Variants in PTPN3 observed in about 807,000 individuals in gnomAD.
PTPN3 encodes tyrosine-protein phosphatase non-receptor type 3.
A neutral mutation model predicts 132.7 loss-of-function variants in PTPN3; 96 were observed. The ratio of observed to expected loss-of-function variants is 0.72; its 90% CI spans 0.61 to 0.86. The LOEUF (loss-of-function observed/expected upper bound fraction) is 0.86. Among genes scored for constraint, PTPN3 ranks in the 40% least tolerant of loss-of-function variants. The pLI, the probability that PTPN3 is intolerant of heterozygous loss-of-function variation, is 0.00. For synonymous variants in PTPN3, 398 were observed against 429.0 expected, an observed-to-expected ratio of 0.93 and a Z score of 0.89; for missense variants, 1,125 against 1,159.6, an observed-to-expected ratio of 0.97 and a Z score of 0.43.
At chr9:109,445,132 G>A in intron 7 of PTPN3, 108 bp downstream of exon 7, 2 of 1,119,456 alleles carry the variant, frequency 1.8e-6, no homozygotes, top group Non-Finnish European at 2.7e-6. Flanking sequence ...CTGCCCAGCA[G>A]GATTCCTGGG....
chr9:109,475,615 CTT>C (rs1846619350), intron 1 of PTPN3, among the ~76,000 whole-genome samples: 1 of 152,156 alleles, frequency 6.6e-6, no homozygotes, highest in South Asian at 2.1e-4. Flanking sequence ...TTGCATAAAC[CTT>C]ACAAAAATAC....
In PTPN3 at chr9:109,410,061, T is replaced by C. The variant is rs770860303; in HGVS notation, c.1516A>G (p.Ser506Gly). 1 of 1,614,254 alleles carries C rather than the reference T, an allele frequency of 6.2e-7. No individual in the cohort carries two copies. Among genetic ancestry groups the C allele is most frequent in the Admixed American group, 1.7e-5 (1 of 60,030 alleles). Residue 506 changes from serine (S) to glycine (G), a missense_variant, in exon 16 of 26, where the codon AGC (serine) becomes GGC (glycine). Ser to Gly is a moderately conservative substitution (Grantham distance 56). Coordinates refer to ENST00000374541, the MANE Select transcript of PTPN3 (RefSeq NM_002829.4). ...GTGATACGGATCAAGACTAAGTAGC[T>C]GTCACCATTATCATTCTGGAAAACG... ...YYCDKNDNGDSYLVLIRITPD... is the reference protein window; with the variant it reads ...YYCDKNDNGDGYLVLIRITPD...
intron 22 of PTPN3, among the ~76,000 whole-genome samples, chr9:109,388,420 T>A (rs1839782562): frequency 6.6e-6 from 1 of 152,090 alleles, no homozygotes. Flanking sequence ...TGCAGGAAAC[T>A]GACAAAGCAG....
Position 109,422,831 on chromosome 9 carries a change from G to A in PTPN3, c.1023C>T (p.Cys341=). ...NTKKSVNNQY[C]KKVIGGMVWN... is the part of the protein sequence containing the mutation. ...ACACCATCCCGCCAATCACCTTTTT[G>A]CAATATTGGTTATTTACCGACCTGA... The change falls in exon 13 of 26, where the codon TGC becomes TGT. Residue 341 remains cysteine, a synonymous_variant. Transcript: ENST00000374541. 1 of 1,613,230 alleles carries A rather than the reference G, an allele frequency of 6.2e-7. No homozygotes were observed. The highest frequency in any genetic ancestry group is 8.5e-7 in the Non-Finnish European group (1 of 1,179,330).
At chr9:109,429,326 C>T (rs138615238) in intron 10 of PTPN3, among the ~76,000 whole-genome samples, 4 of 152,294 alleles carry the variant, frequency 2.6e-5, no homozygotes, top group Admixed American at 6.5e-5. Flanking sequence ...CCAGGACCTG[C>T]ACCCCGGTCT....
chr9:109,519,583 G>A, the PTPN3 span, among the ~76,000 whole-genome samples: 80,525 of 151,588 alleles, frequency 0.53, 22,457 homozygotes, highest in East Asian at 0.85. Context: ...CACATAGCCT[G>A]TAAATGACAT....
intron 1 of PTPN3, among the ~76,000 whole-genome samples, chr9:109,481,947 G>C (rs1846978783): frequency 6.6e-6 from 1 of 152,214 alleles, no homozygotes; most frequent in Non-Finnish European, 1.5e-5. Context: ...ATTGTGTACA[G>C]TCAGAAACTC....
chr9:109,519,087 A>G, the PTPN3 span, among the ~76,000 whole-genome samples: 2 of 152,090 alleles, frequency 1.3e-5, no homozygotes, highest in Non-Finnish European at 2.9e-5. Context: ...AGATTCCTCA[A>G]ACATCTGTCT....
chr9:109,389,714 G>C (rs1408075760), intron 21 of PTPN3, among the ~76,000 whole-genome samples: 2 of 152,164 alleles, frequency 1.3e-5, no homozygotes, highest in Admixed American at 6.5e-5. Flanking sequence ...TCAGCCGTAT[G>C]TACCAATCCT....
At chr9:109,421,970 TG>T in intron 13 of PTPN3, among the ~76,000 whole-genome samples, 1 of 152,366 alleles carries the variant, frequency 6.6e-6, no homozygotes, top group Admixed American at 6.5e-5. Context: ...TTCACAAAAA[TG>T]GTGTGATGTC....
intron 7 of PTPN3, among the ~76,000 whole-genome samples, chr9:109,439,539 T>C (rs990143735): frequency 6.6e-6 from 1 of 152,198 alleles, no homozygotes; most frequent in African/African-American, 2.4e-5. Flanking sequence ...AAAGATATGG[T>C]GATACTTTGT....
the PTPN3 span, among the ~76,000 whole-genome samples, chr9:109,532,230 A>C: frequency 6.6e-6 from 1 of 152,204 alleles, no homozygotes; most frequent in East Asian, 1.9e-4. Context: ...CAGATACACT[A>C]ACTACAAGAT....
intron 12 of PTPN3, among the ~76,000 whole-genome samples, chr9:109,425,221 G>A (rs1843158997): frequency 6.6e-6 from 1 of 152,164 alleles, no homozygotes; most frequent in African/African-American, 2.4e-5. Context: ...TAGTATCACT[G>A]ATACTAACAG....
intron 4 of PTPN3, 60 bp from the exon 5 acceptor site, chr9:109,454,634 T>C (rs1845467798): frequency 7.4e-7 from 1 of 1,352,650 alleles, no homozygotes; most frequent in African/African-American, 1.4e-5. Flanking sequence ...TGTATGTAAG[T>C]TGCTTCTCTT....
At chr9:109,447,670 C>T (rs981730973) in intron 6 of PTPN3, among the ~76,000 whole-genome samples, 2 of 152,150 alleles carry the variant, frequency 1.3e-5, no homozygotes, top group Non-Finnish European at 2.9e-5. Flanking sequence ...TGCCATGCCC[C>T]CAGGTCTCTG....
rs1838583236 is a variant in PTPN3, at chr9:109,376,692, C to A, written c.*2864G>T. ...CAAATTTCCCAGGCAAAATACTTATCCTGATTCTGATGTAGTTCTTCACTT... is the reference window on the plus strand; with the variant it reads ...CAAATTTCCCAGGCAAAATACTTATACTGATTCTGATGTAGTTCTTCACTT... On this transcript the variant is annotated 3_prime_UTR_variant, in exon 26 of 26. Transcript: ENST00000374541. 6.6e-6 allele frequency: 1 copy of A among 152,140 alleles called. No individual in the cohort carries two copies. Among genetic ancestry groups the A allele is most frequent in the Admixed American group, 6.5e-5 (1 of 15,280 alleles). 9.4% of individuals were successfully genotyped at this position (152,140 alleles called of 1,614,324 possible).
At chr9:109,379,671 CA>C (rs778561128) in intron 25 of PTPN3, 38 bp from the exon 26 acceptor site, 21 of 1,542,838 alleles carry the variant, frequency 1.4e-5, no homozygotes, top group African/African-American at 4.1e-5. Flanking sequence ...CCTGTAGCTC[CA>C]GGAAATGCTG....
At chr9:109,511,691 C>T in the PTPN3 span, 3 of 152,746 alleles carry the variant, frequency 2.0e-5, no homozygotes, top group African/African-American at 7.2e-5. Flanking sequence ...CCAGCCAACA[C>T]ATTGCATCAT....
chr9:109,413,493 C>T (rs1842238020), intron 14 of PTPN3, among the ~76,000 whole-genome samples: 1 of 152,174 alleles, frequency 6.6e-6, no homozygotes, highest in African/African-American at 2.4e-5. Context: ...GCACCAAAGC[C>T]CTAGTGCCTC....
Sources: allele counts gnomAD v4.1 joint callset (sites outside exome capture counted in the v4.1 genomes callset), GRCh38; gene constraint gnomAD v4.1.1; transcripts MANE v1.5; gene names NCBI Gene and HGNC (gene_info 2026-07-23, HGNC 2026-07-21).